The following AHCYL2 variants were observed in gnomAD, a reference collection of about 807,000 sequenced individuals.
AHCYL2 encodes adenosylhomocysteinase like 2.
In AHCYL2, 28 loss-of-function variants were observed where a neutral mutation model predicts 81.4. The ratio of observed to expected loss-of-function variants is 0.34; its 90% CI spans 0.25 to 0.47. AHCYL2 has a LOEUF of 0.47. AHCYL2 is among the 20% of genes least tolerant of loss of function. The pLI is 1.00. For synonymous variants in AHCYL2, 272 were observed against 290.2 expected (o/e 0.94, Z 0.64); for missense variants, 551 against 785.1 (o/e 0.70, Z 3.56).
At chr7:129,237,808 C>T (rs1351988284) in intron 1 of AHCYL2, among the ~76,000 whole-genome samples, 1 of 152,160 alleles carries the variant, frequency 6.6e-6, no homozygotes, top group Admixed American at 6.5e-5. Context: ...TCACTGCAAC[C>T]TCCATCTCCC....
chr7:129,299,124 G>A (rs552228746), intron 1 of AHCYL2, among the ~76,000 whole-genome samples: 1 of 151,458 alleles, frequency 6.6e-6, no homozygotes, highest in South Asian at 2.1e-4. Flanking sequence ...TGACATTTTT[G>A]GGGGGAGAAT....
At chr7:129,333,118 G>A (rs891988620) in intron 1 of AHCYL2, among the ~76,000 whole-genome samples, 1 of 152,048 alleles carries the variant, frequency 6.6e-6, no homozygotes, top group Non-Finnish European at 1.5e-5. Flanking sequence ...GTAGGGAATA[G>A]CATGGGATTT....
chr7:129,340,126 G>A (rs150232978), intron 1 of AHCYL2, among the ~76,000 whole-genome samples: 12,469 of 144,382 alleles, frequency 0.086, 1,013 homozygotes, highest in African/African-American at 0.22. Context: ...GTTTCACCGT[G>A]TTAGCCAGGA....
rs959248330 is a variant in AHCYL2 at position 129,245,838 on chromosome 7, A to G, written c.363+20399A>G. Among the ~76,000 whole-genome samples the G allele has an allele frequency of 9.9e-4, 150 of 152,190 alleles. 1 individual carries two copies. Among genetic ancestry groups the G allele is most frequent in the Non-Finnish European group, 3.4e-4 (23 of 68,030 alleles). On this transcript the variant is annotated intron_variant, in intron 1 of 16. Transcript: ENST00000325006. Reference sequence around the variant, plus strand: ...GCCATACAAATATCTGTTGAAGTCAATACTTTGAGTTCTGTTGGTTGTATA... The same window carrying G: ...GCCATACAAATATCTGTTGAAGTCAGTACTTTGAGTTCTGTTGGTTGTATA...
rs187439541 is a variant in AHCYL2, at chr7:129,403,659, C to T, written c.1025+174C>T. 1.2e-4 allele frequency among the ~76,000 whole-genome samples: 18 copies of T among 151,870 alleles called. No individual in the cohort carries two copies. The East Asian group carries it at 3.5e-3, about 30-fold the overall frequency. Reference sequence around the variant, plus strand: ...TGGGCGGATCACGAGGTCAGGAGATCAAGACCATCCTGGCTAACACGGTGA... The same window carrying T: ...TGGGCGGATCACGAGGTCAGGAGATTAAGACCATCCTGGCTAACACGGTGA... On this transcript the variant is annotated intron_variant, in intron 7 of 16. Coordinates refer to ENST00000325006, the MANE Select transcript of AHCYL2 (RefSeq NM_015328.4).
chr7:129,334,062 G>A (rs530595242), intron 1 of AHCYL2, among the ~76,000 whole-genome samples: 14 of 151,936 alleles, frequency 9.2e-5, no homozygotes, highest in Admixed American at 3.3e-4. Flanking sequence ...GTTGTTGGAT[G>A]TACCTCAGTT....
chr7:129,257,079 A>AT (rs1434236420), intron 1 of AHCYL2, among the ~76,000 whole-genome samples: 5 of 152,084 alleles, frequency 3.3e-5, no homozygotes, highest in African/African-American at 1.2e-4. Flanking sequence ...AGCTCCCTTT[A>AT]TTTTATCTAT....
intron 1 of AHCYL2, among the ~76,000 whole-genome samples, chr7:129,263,841 TA>T (rs993165429): frequency 3.9e-5 from 6 of 152,086 alleles, no homozygotes; most frequent in Non-Finnish European, 1.5e-5. Flanking sequence ...AAGGACAAAC[TA>T]AGGGCCTGGC....
chr7:129,387,107 A>G (rs1280635661), intron 2 of AHCYL2, among the ~76,000 whole-genome samples: 3 of 152,208 alleles, frequency 2.0e-5, no homozygotes, highest in African/African-American at 7.2e-5. Flanking sequence ...CTCCTATTAT[A>G]TAGTCTTATG....
chr7:129,369,877 T>C (rs1794298383), intron 1 of AHCYL2, among the ~76,000 whole-genome samples: 2 of 152,146 alleles, frequency 1.3e-5, no homozygotes, highest in African/African-American at 4.8e-5. Context: ...AAACATTTTG[T>C]GGAAAGAAAA....
At chr7:129,425,289 T>A (rs1261001877) in intron 15 of AHCYL2, 148 bp downstream of exon 15, 4 of 677,410 alleles carry the variant, frequency 5.9e-6, no homozygotes, top group Non-Finnish European at 1.0e-5. Context: ...CTAGGTGCCA[T>A]TCCCATTTAT....
chr7:129,340,113 A>G lies in AHCYL2; in HGVS notation c.364-39525A>G, dbSNP rs1368061900. On this transcript the variant is annotated intron_variant, in intron 1 of 16. Transcript: ENST00000325006. ...TTTTGTATTTTTTTTTAGTAGAGGC[A>G]GGGTTTCACCGTGTTAGCCAGGATG... 2.3e-4 allele frequency among the ~76,000 whole-genome samples: 34 copies of G among 147,210 alleles called. No homozygotes were observed. In the East Asian group the frequency reaches 2.5e-3, roughly 11 times the overall value.
At chr7:129,362,907 G>GT (rs1002941927) in intron 1 of AHCYL2, among the ~76,000 whole-genome samples, 6 of 151,986 alleles carry the variant, frequency 3.9e-5, no homozygotes, top group East Asian at 1.9e-4. Context: ...TCACTGCCTG[G>GT]GGGTTTTTTT....
intron 1 of AHCYL2, among the ~76,000 whole-genome samples, chr7:129,282,322 A>T (rs6467234): frequency 0.94 from 142,814 of 152,150 alleles, 67,665 homozygotes; most frequent in East Asian, 1. Context: ...ATCCCTGTTT[A>T]TCCTCTCTTT....
intron 4 of AHCYL2, among the ~76,000 whole-genome samples, chr7:129,392,400 C>T (rs1264110047): frequency 6.6e-6 from 1 of 152,180 alleles, no homozygotes; most frequent in African/African-American, 2.4e-5. Flanking sequence ...TTATAGATGG[C>T]GCTTTCTATG....
At chr7:129,225,471 G>A in intron 1 of AHCYL2, 32 bp downstream of exon 1, 3 of 1,476,594 alleles carry the variant, frequency 2.0e-6, no homozygotes, top group African/African-American at 2.9e-5. Flanking sequence ...TCTAGGAGAG[G>A]AAGGGAGGGG....
intron 1 of AHCYL2, among the ~76,000 whole-genome samples, chr7:129,307,637 T>C (rs1797489754): frequency 6.6e-6 from 1 of 151,808 alleles, no homozygotes; most frequent in African/African-American, 2.4e-5. Flanking sequence ...AGACAAAGTC[T>C]CCTTTATTCT....
rs371595892 is a variant in AHCYL2, at chr7:129,417,502, G to GACTAGACA, written c.1461+3821_1461+3822insAACTAGAC. Among the ~76,000 whole-genome samples, 880 of 152,304 alleles carry GACTAGACA rather than the reference G, an allele frequency of 5.8e-3. 3 individuals carry two copies. Among genetic ancestry groups the GACTAGACA allele is most frequent in the Non-Finnish European group, 9.8e-3 (668 of 68,024 alleles). The stretch of plus-strand genomic sequence containing the variant: ...AGAATTGCCCTGGTTGCTGTGTTGA[G>GACTAGACA]ACTAGACCAAGTTTTGCAAGTATTG... On this transcript the variant is annotated intron_variant, in intron 12 of 16. Coordinates refer to ENST00000325006, the MANE Select transcript of AHCYL2 (RefSeq NM_015328.4).
chr7:129,379,125 A>T (rs1470636737), intron 1 of AHCYL2, among the ~76,000 whole-genome samples: 2 of 152,046 alleles, frequency 1.3e-5, no homozygotes, highest in African/African-American at 4.8e-5. Context: ...TACTAAAAAT[A>T]TAAAAATTAG....
Sources: allele counts gnomAD v4.1 joint callset (sites outside exome capture counted in the v4.1 genomes callset), GRCh38; gene constraint gnomAD v4.1.1; transcripts MANE v1.5; gene names NCBI Gene and HGNC (gene_info 2026-07-23, HGNC 2026-07-21).